TRHDE: variants seen among roughly 807,000 people sequenced by gnomAD.
TRHDE encodes the protein thyrotropin releasing hormone degrading enzyme.
A neutral mutation model predicts 125.7 loss-of-function variants in TRHDE; 72 were observed. That is an observed-to-expected ratio of 0.57 (90% CI 0.47 to 0.70). TRHDE has a LOEUF of 0.70. TRHDE is among the 30% of genes least tolerant of loss of function. TRHDE has a pLI of 0.00. For synonymous variants in TRHDE, 509 were observed against 509.1 expected (o/e 1.00, Z 0.00); for missense variants, 1,110 against 1,327.1 (o/e 0.84, Z 2.54).
At chr12:72,588,412 GA>G (rs1401606655) in intron 12 of TRHDE, among the ~76,000 whole-genome samples, 7 of 152,156 alleles carry the variant, frequency 4.6e-5, no homozygotes, top group Non-Finnish European at 8.8e-5. Context: ...GCATGTTTAA[GA>G]AAAAGAGATA....
intron 3 of TRHDE, among the ~76,000 whole-genome samples, chr12:72,433,545 A>G (rs1430869534): frequency 6.6e-6 from 1 of 151,892 alleles, no homozygotes; most frequent in African/African-American, 2.4e-5. Context: ...AAAGGCAATT[A>G]GGAACTCACT....
At position 72,272,691 on chromosome 12, in the gene TRHDE, GAAGAAGAAA is replaced by G; in HGVS notation, c.56_64del (p.Lys19_Lys21del). 1 of 1,367,254 alleles carries G rather than the reference GAAGAAGAAA, an allele frequency of 7.3e-7. No homozygotes were observed. Among genetic ancestry groups the G allele is most frequent in the Non-Finnish European group, 9.6e-7 (1 of 1,040,308 alleles). 84.7% of individuals were successfully genotyped at this position (1,367,254 alleles called of 1,614,324 possible). ...GGGAGCAAGAGGAGGAGAAGAAAAA[GAAGAAGAAA>G]AAGAAGAGGAAGAAGAAGAAGGAGG... On this transcript the variant is annotated inframe_deletion, in exon 1 of 19. Coordinates refer to ENST00000261180, the MANE Select transcript of TRHDE (RefSeq NM_013381.3). This position sits in a 1 kb window ranked among gnomAD's most constrained non-coding sequence, Gnocchi z 6.7.
rs117602405 is a variant in TRHDE, at chr12:72,321,107, G to T, written c.1188+34153G>T. On this transcript the variant is annotated intron_variant, in intron 2 of 18. Coordinates refer to ENST00000261180, the MANE Select transcript of TRHDE (RefSeq NM_013381.3). Reference sequence around the variant, plus strand: ...CAGGGTGAGAGAAAAATAAACTTGTGATTCTCAGCAATTTTATGTCATTTT... The same window carrying T: ...CAGGGTGAGAGAAAAATAAACTTGTTATTCTCAGCAATTTTATGTCATTTT... Among the ~76,000 whole-genome samples the T allele has an allele frequency of 1.1e-3, 161 of 152,246 alleles. 5 individuals carry two copies. The East Asian group carries it at 0.026, about 25-fold the overall frequency.
intron 8 of TRHDE, 91 bp downstream of exon 8, chr12:72,562,321 A>G (rs1234522037): frequency 5.1e-6 from 3 of 592,882 alleles, no homozygotes; most frequent in Non-Finnish European, 8.8e-6. Context: ...GACACCTGAT[A>G]GTTTGTTTTT....
intron 3 of TRHDE, among the ~76,000 whole-genome samples, chr12:72,386,826 C>G (rs1229393144): frequency 6.6e-6 from 1 of 152,204 alleles, no homozygotes; most frequent in Non-Finnish European, 1.5e-5. Context: ...ATTGTTCTCT[C>G]CAACTCCTTG....
At chr12:72,348,413 G>GC (rs1870431223) in intron 2 of TRHDE, among the ~76,000 whole-genome samples, 1 of 151,754 alleles carries the variant, frequency 6.6e-6, no homozygotes, top group Admixed American at 6.6e-5. Flanking sequence ...CCTGACAGTG[G>GC]CCTTGATCTT....
At chr12:72,475,362 T>G (rs955333117) in intron 5 of TRHDE, among the ~76,000 whole-genome samples, 3 of 152,154 alleles carry the variant, frequency 2.0e-5, no homozygotes, top group African/African-American at 7.2e-5. Context: ...TATGCATAGG[T>G]GTTGCTTTTT....
rs186309527 is a variant in TRHDE, at chr12:72,286,184, A to C, written c.915-497A>C. ...CAGACCAGAATTTATCAGGTCTCAA[A>C]ATCCTTTTTCTGAACAAAACCAGGC... On this transcript the variant is annotated intron_variant, in intron 1 of 18. Coordinates refer to ENST00000261180, the MANE Select transcript of TRHDE (RefSeq NM_013381.3). 2.3e-3 allele frequency among the ~76,000 whole-genome samples: 346 copies of C among 152,356 alleles called. 2 individuals are homozygous for C. Among genetic ancestry groups the C allele is most frequent in the South Asian group, 0.021 (101 of 4,828 alleles).
At chr12:72,513,588 G>A (rs1000506682) in intron 6 of TRHDE, among the ~76,000 whole-genome samples, 1 of 151,990 alleles carries the variant, frequency 6.6e-6, no homozygotes, top group African/African-American at 2.4e-5. Flanking sequence ...GTTGATTTCT[G>A]TGCTTTTAAA....
chr12:72,577,572 G>A (rs972780842), intron 12 of TRHDE, among the ~76,000 whole-genome samples: 4 of 152,130 alleles, frequency 2.6e-5, no homozygotes, highest in African/African-American at 2.4e-5. Context: ...GAATCGTTAC[G>A]GGTTTGAAAT....
intron 2 of TRHDE, chr12:72,253,663 C>G (rs9804702): frequency 9.2e-5 from 14 of 152,090 alleles, no homozygotes; most frequent in Admixed American, 8.5e-4. Context: ...TTTGTTATAA[C>G]TGATGAAAAT....
intron 2 of TRHDE, among the ~76,000 whole-genome samples, chr12:72,158,978 T>G (rs926063023): frequency 2.4e-4 from 36 of 152,370 alleles, no homozygotes; most frequent in African/African-American, 8.4e-4. Context: ...CTGCCTTAAA[T>G]GCCATTTTAA....
intron 2 of TRHDE, among the ~76,000 whole-genome samples, chr12:72,111,754 C>T (rs369583540): frequency 6.6e-6 from 1 of 152,134 alleles, no homozygotes; most frequent in East Asian, 1.9e-4. Context: ...TTATTTTTCT[C>T]TGCCTCATTC....
At chr12:72,575,162 T>G in intron 10 of TRHDE, 93 bp from the exon 11 acceptor site, 1 of 1,168,610 alleles carries the variant, frequency 8.6e-7, no homozygotes, top group African/African-American at 1.6e-5. Context: ...TTCACTTAAT[T>G]ATTGGTATTG....
chr12:72,519,260 C>T (rs1444606339), intron 6 of TRHDE, among the ~76,000 whole-genome samples: 1 of 152,184 alleles, frequency 6.6e-6, no homozygotes, highest in Admixed American at 6.5e-5. Context: ...TGGTTCCATT[C>T]TCCCCGTCAC....
chr12:72,637,927 T>C (rs1201531830), intron 15 of TRHDE, among the ~76,000 whole-genome samples: 1 of 152,186 alleles, frequency 6.6e-6, no homozygotes, highest in Non-Finnish European at 1.5e-5. Context: ...CTTCCAAGTA[T>C]GTGGTCCGTT....
intron 12 of TRHDE, among the ~76,000 whole-genome samples, chr12:72,584,626 T>C (rs1053758134): frequency 6.6e-6 from 1 of 152,200 alleles, no homozygotes; most frequent in Non-Finnish European, 1.5e-5. Flanking sequence ...TTTTTTAGAT[T>C]CCACATATAA....
intron 3 of TRHDE, among the ~76,000 whole-genome samples, chr12:72,464,819 T>C (rs1446656005): frequency 1.3e-5 from 2 of 152,306 alleles, no homozygotes; most frequent in Non-Finnish European, 2.9e-5. Context: ...GTGTTAAGAA[T>C]AGAAGGCAAA....
intron 12 of TRHDE, among the ~76,000 whole-genome samples, chr12:72,613,452 T>G (rs1263055729): frequency 6.6e-6 from 1 of 152,234 alleles, no homozygotes; most frequent in Non-Finnish European, 1.5e-5. Flanking sequence ...GTTTAAGTTT[T>G]ATAGTATCTT....
Sources: gnomAD v4.1 joint callset for allele counts (sites outside exome capture counted in the v4.1 genomes callset) on GRCh38, gnomAD v4.1.1 for gene constraint, Gnocchi (gnomAD v3.1) non-coding constraint, MANE v1.5 for transcripts, NCBI Gene and HGNC (gene_info 2026-07-23, HGNC 2026-07-21) for gene names.